The following PLEC variants were observed in gnomAD, a reference collection of about 807,000 sequenced individuals.
The protein encoded by PLEC is hemidesmosomal protein 1.
A neutral mutation model predicts 392.8 loss-of-function variants in PLEC; 216 were observed. The ratio of observed to expected loss-of-function variants is 0.55; its 90% CI spans 0.49 to 0.62. The LOEUF is 0.62. Among genes scored for constraint, PLEC ranks in the 20% least tolerant of loss-of-function variants. The probability of loss-of-function intolerance (pLI) is 0.00; values close to 1 mark genes in which losing one functional copy is unlikely to be tolerated. For missense variants in PLEC, 6,863 were observed against 6,563.4 expected (o/e 1.05, Z -1.58); for synonymous variants, 3,621 against 2,980.6 (o/e 1.21, Z -7.00).
chr8:143,923,628 C>T lies in PLEC; in HGVS notation c.6301G>A (p.Glu2101Lys). 1 of 1,586,258 alleles carries T rather than the reference C, an allele frequency of 6.3e-7. No homozygotes were observed. The highest frequency in any genetic ancestry group is 8.5e-7 in the Non-Finnish European group (1 of 1,173,704). Residue 2101 changes from glutamate to lysine, a missense_variant, in exon 31 of 32, where the codon GAG (glutamate) becomes AAG (lysine). Coordinates refer to ENST00000345136, the MANE Select transcript of PLEC (RefSeq NM_201384.3). ...CGCCGGGACTGCGCCGCCTCACGCT[C>T]CGCCTGCACCCGGGCCTCCTCCGCC... The part of the protein sequence containing the change: ...EEAEEARVQA[E>K]REAAQSRRQV...
chr8:143,960,515 G>C (rs994017755), intron 1 of PLEC, among the ~76,000 whole-genome samples: 4 of 151,894 alleles, frequency 2.6e-5, no homozygotes, highest in Non-Finnish European at 5.9e-5. Flanking sequence ...TACTCAGGAG[G>C]CTGAGGCAGG....
At chr8:143,934,551 G>A in intron 10 of PLEC, 84 bp downstream of exon 10, 3 of 1,597,648 alleles carry the variant, frequency 1.9e-6, no homozygotes, top group Non-Finnish European at 2.6e-6. Context: ...TGGTCCCAAA[G>A]GCAGGGCCAG....
In PLEC at chr8:143,923,612, T is replaced by C. The variant is rs781986464; in HGVS notation, c.6317A>G (p.Gln2106Arg). The C allele has an allele frequency of 1.7e-5, 27 of 1,592,006 alleles. No individual in the cohort carries two copies. The East Asian group carries it at 4.9e-4, about 29-fold the overall frequency. The change falls in exon 31 of 32, where the codon CAG becomes CGG. Residue 2106 changes from glutamine (Q) to arginine (R), a missense_variant. Gln to Arg is a conservative substitution (Grantham distance 43). Transcript: ENST00000345136. ...GGCCTCTTCCACCTGCCGCCGGGAC[T>C]GCGCCGCCTCACGCTCCGCCTGCAC... Reference protein sequence around the residue: ...ARVQAEREAAQSRRQVEEAER... With the variant: ...ARVQAEREAARSRRQVEEAER...
At chr8:143,974,080 G>A (rs781973128), upstream of PLEC, among the ~76,000 whole-genome samples, 1 of 152,220 alleles carries the variant, frequency 6.6e-6, no homozygotes, top group Admixed American at 6.5e-5. This position sits in a 1 kb window ranked among gnomAD's most constrained non-coding sequence, Gnocchi z 5.9. Flanking sequence ...CTTCACCAAT[G>A]TCGGCCACCC....
Position 143,934,333 on chromosome 8 carries a change from C to T in PLEC, c.1154G>A (p.Arg385His), listed in dbSNP as rs781837293. 36 of 1,612,248 alleles carry T rather than the reference C, an allele frequency of 2.2e-5. No homozygotes were observed. Among genetic ancestry groups the T allele is most frequent in the South Asian group, 3.3e-5 (3 of 91,090 alleles). ...CCCCACCCACCTCTCAAACTCGCTGCGGAGCTGCTTCTCCCGCTCCAGGAT... is the reference window on the plus strand; with the variant it reads ...CCCCACCCACCTCTCAAACTCGCTGTGGAGCTGCTTCTCCCGCTCCAGGAT... ...VAILEREKQL[R>H]SEFERLECLQ... Residue 385 changes from arginine (R) to histidine (H), a missense_variant, in exon 11 of 32, where the codon CGC becomes CAC. Physicochemically the swap from Arg to His is conservative, Grantham distance 29. Transcript: ENST00000345136.
At position 143,923,339 on chromosome 8, in the gene PLEC, T is replaced by A; in HGVS notation, c.6590A>T (p.Glu2197Val). 1 of 1,610,324 alleles carries A rather than the reference T, an allele frequency of 6.2e-7. No homozygotes were observed. The highest frequency in any genetic ancestry group is 8.5e-7 in the Non-Finnish European group (1 of 1,179,500). ...ELTTLRLQLE[E>V]TDHQKNLLDE... The stretch of plus-strand genomic sequence containing the variant: ...CAGCAGGTTCTTCTGGTGGTCGGTC[T>A]CCTCCAGCTGCAGCCGCAGTGTTGT... Residue 2197 changes from glutamate to valine, a missense_variant, in exon 31 of 32, where the codon GAG becomes GTG. Coordinates refer to ENST00000345136, the MANE Select transcript of PLEC (RefSeq NM_201384.3).
At position 143,930,082 on chromosome 8, in the gene PLEC, G is replaced by A. The variant is rs1587023165; in HGVS notation, c.2613-20C>T. 6.2e-7 allele frequency: 1 copy of A among 1,607,500 alleles called. No individual in the cohort carries two copies. Among genetic ancestry groups the A allele is most frequent in the Admixed American group, 1.7e-5 (1 of 59,940 alleles). On this transcript the variant is annotated intron_variant, in intron 21 of 31. Transcript: ENST00000345136. ...TCCAGCCTGGCAGGTCAGGGCTACAGTCAGCGTCACCAGCGCCCCACCCGC... is the reference window on the plus strand; with the variant it reads ...TCCAGCCTGGCAGGTCAGGGCTACAATCAGCGTCACCAGCGCCCCACCCGC...
chr8:143,938,292 G>GC, intron 2 of PLEC, 52 bp from the exon 3 acceptor site: 3 of 1,537,548 alleles, frequency 2.0e-6, no homozygotes, highest in Non-Finnish European at 2.6e-6. Context: ...CCACCAATAG[G>GC]CCCTGAGTGG....
At chr8:143,959,073 G>A (rs782114540) in intron 1 of PLEC, among the ~76,000 whole-genome samples, 1 of 152,242 alleles carries the variant, frequency 6.6e-6, no homozygotes, top group African/African-American at 2.4e-5. Context: ...GACCCTTGTA[G>A]CACAGCGGGG....
intron 30 of PLEC, 117 bp from the exon 31 acceptor site, chr8:143,926,001 A>G: frequency 8.5e-7 from 1 of 1,179,628 alleles, no homozygotes; most frequent in Non-Finnish European, 1.2e-6. Flanking sequence ...GTCGGGGAAG[A>G]CAGAGGCCCC....
chr8:143,953,932 G>C (rs1832444674), upstream of PLEC: 2 of 1,402,908 alleles, frequency 1.4e-6, no homozygotes, highest in Non-Finnish European at 1.8e-6. Context: ...CGCCGGACAG[G>C]GCCGCCCCGG....
intron 19 of PLEC, among the ~76,000 whole-genome samples, chr8:143,931,312 C>T (rs1827176667): frequency 9.2e-6 from 1 of 108,436 alleles, no homozygotes; most frequent in Admixed American, 9.2e-5. Context: ...CATGGTGCCT[C>T]CCAACTCCTG....
At chr8:143,944,862 C>T (rs868963511) in intron 1 of PLEC, 5 of 513,974 alleles carry the variant, frequency 9.7e-6, no homozygotes, top group East Asian at 3.5e-5. Flanking sequence ...CCGAGGAGGG[C>T]GCGCAAGGAC....
chr8:143,934,332 G>T lies in PLEC; in HGVS notation c.1155C>A (p.Arg385=), dbSNP rs1554720598. Residue 385 remains arginine, a synonymous_variant, in exon 11 of 32, where the codon CGC becomes CGA. Coordinates refer to ENST00000345136, the MANE Select transcript of PLEC (RefSeq NM_201384.3). ...GCCCCACCCACCTCTCAAACTCGCT[G>T]CGGAGCTGCTTCTCCCGCTCCAGGA... ...VAILEREKQL[R]SEFERLECLQ... 6 of 1,612,338 alleles carry T rather than the reference G, an allele frequency of 3.7e-6. No homozygotes were observed. The highest frequency in any genetic ancestry group is 5.1e-6 in the Non-Finnish European group (6 of 1,179,916).
upstream of PLEC, among the ~76,000 whole-genome samples, chr8:143,957,392 C>A (rs983254027): frequency 6.6e-6 from 1 of 152,182 alleles, no homozygotes; most frequent in Non-Finnish European, 1.5e-5. Flanking sequence ...CCAGTGCCTC[C>A]GGAAAACCCC....
At chr8:143,976,438 C>T (rs1392595105), upstream of PLEC, among the ~76,000 whole-genome samples, 1 of 152,146 alleles carries the variant, frequency 6.6e-6, no homozygotes, top group Non-Finnish European at 1.5e-5. Flanking sequence ...TCTCCACGGG[C>T]CGCCCCGGTT....
chr8:143,925,388 T>G lies in PLEC; in HGVS notation c.4541A>C (p.Glu1514Ala). 1 of 1,577,826 alleles carries G rather than the reference T, an allele frequency of 6.3e-7. No individual in the cohort carries two copies. The highest frequency in any genetic ancestry group is 1.1e-5 in the South Asian group (1 of 88,548). ...QDESQRKRQA[E>A]VELASRVKAE... ...CTTCACGCGCGAGGCCAGCTCCACC[T>G]CCGCCTGCCGCTTACGCTGGCTCTC... is the stretch of plus-strand genomic sequence containing the variant. Residue 1514 changes from glutamate (E) to alanine (A), a missense_variant, in exon 31 of 32, where the codon GAG becomes GCG. Transcript: ENST00000345136.
chr8:143,927,982 T>A lies in PLEC; in HGVS notation c.3271A>T (p.Ile1091Phe). The change falls in exon 26 of 32, where the codon ATC (isoleucine) becomes TTC (phenylalanine). Residue 1091 changes from isoleucine to phenylalanine, a missense_variant. Ile to Phe is a conservative substitution (Grantham distance 21). Transcript: ENST00000345136. ...SAIYLEKLKT[I>F]SLVIRGTQGA... ...TGCGTGCCGCGGATCACCAGGCTGA[T>A]GGTCTTGAGCCTGGCGGGAAAGCGG... 1 of 1,599,402 alleles carries A rather than the reference T, an allele frequency of 6.3e-7. No individual in the cohort carries two copies. Among genetic ancestry groups the A allele is most frequent in the Non-Finnish European group, 8.5e-7 (1 of 1,169,750 alleles).
Position 143,919,691 on chromosome 8 carries a change from C to G in PLEC, c.10130G>C (p.Arg3377Pro). ...EKVSIYEAMR[R>P]GLLRATTAAL... ...AGCCGTTGTGGCTCTCAGCAGGCCCCGGCGCATGGCCTCGTAGATGGACAC... is the reference window on the plus strand; with the variant it reads ...AGCCGTTGTGGCTCTCAGCAGGCCCGGGCGCATGGCCTCGTAGATGGACAC... The change falls in exon 32 of 32, where the codon CGG becomes CCG. Residue 3377 changes from arginine (R) to proline (P), a missense_variant. Arg to Pro is a moderately radical substitution (Grantham distance 103). Transcript: ENST00000345136. The G allele has an allele frequency of 6.2e-7, 1 of 1,602,240 alleles. No homozygotes were observed.
Sources: allele counts gnomAD v4.1 joint callset (sites outside exome capture counted in the v4.1 genomes callset), GRCh38; gene constraint gnomAD v4.1.1; non-coding constraint Gnocchi (gnomAD v3.1); transcripts MANE v1.5; gene names NCBI Gene and HGNC (gene_info 2026-07-23, HGNC 2026-07-21).